SYNDIG1: variants seen among roughly 807,000 people sequenced by gnomAD.
SYNDIG1 encodes the protein synapse differentiation inducing 1.
Under a neutral mutation model 19.4 loss-of-function variants are expected in SYNDIG1, and 9 were observed. The observed-to-expected ratio is 0.46, with a 90% CI of 0.28 to 0.81. SYNDIG1 has a LOEUF of 0.81. Among genes scored for constraint, SYNDIG1 ranks in the 30% least tolerant of loss-of-function variants. The pLI is 0.12. For synonymous variants in SYNDIG1, 141 were observed against 145.9 expected, an observed-to-expected ratio of 0.97 and a Z score of 0.24; for missense variants, 311 against 343.3, an observed-to-expected ratio of 0.91 and a Z score of 0.74.
intron 3 of SYNDIG1, among the ~76,000 whole-genome samples, chr20:24,645,939 T>C (rs945480382): frequency 6.6e-6 from 1 of 152,162 alleles, no homozygotes; most frequent in African/African-American, 2.4e-5. Flanking sequence ...GGCACCCTTC[T>C]CGCCTGGATA....
chr20:24,533,251 C>T (rs868308940), intron 1 of SYNDIG1, among the ~76,000 whole-genome samples: 1 of 152,114 alleles, frequency 6.6e-6, no homozygotes, highest in Non-Finnish European at 1.5e-5. Context: ...TGTTTGTCCA[C>T]GTAGGCACAT....
At chr20:24,476,691 CAAAA>C (rs71312681) in intron 1 of SYNDIG1, among the ~76,000 whole-genome samples, 1 of 150,942 alleles carries the variant, frequency 6.6e-6, no homozygotes, top group Non-Finnish European at 1.5e-5. Context: ...AACAAACAAA[CAAAA>C]AAAACAAAAA....
chr20:24,562,464 C>T (rs1216081731), intron 2 of SYNDIG1, among the ~76,000 whole-genome samples: 1 of 152,164 alleles, frequency 6.6e-6, no homozygotes, highest in African/African-American at 2.4e-5. Flanking sequence ...AAATGTGTCA[C>T]TCAAGGCATG....
intron 3 of SYNDIG1, among the ~76,000 whole-genome samples, chr20:24,645,696 G>C (rs773506651): frequency 2.6e-5 from 4 of 152,242 alleles, no homozygotes; most frequent in Non-Finnish European, 5.9e-5. Context: ...CTATACCTGG[G>C]CTGAGAGAGG....
Position 24,515,543 on chromosome 20 carries a change from AACAG to A in SYNDIG1, c.-78-27473_-78-27470del, listed in dbSNP as rs773155020. On this transcript the variant is annotated intron_variant, in intron 1 of 3. Transcript: ENST00000376862. ...ATCACAAGCATTCTTATACACCAAT[AACAG>A]ACAAACAGAGAGCCAAATCATGAGT... 2.6e-3 allele frequency among the ~76,000 whole-genome samples: 397 copies of A among 152,068 alleles called. 1 individual carries two copies. Among genetic ancestry groups the A allele is most frequent in the Non-Finnish European group, 3.8e-3 (260 of 67,974 alleles).
intron 3 of SYNDIG1, among the ~76,000 whole-genome samples, chr20:24,661,404 G>GGGAGGAGGGAGGGAGGAGGGAA (rs2059588816): frequency 3.8e-4 from 6 of 16,000 alleles, no homozygotes; most frequent in African/African-American, 7.0e-4. Context: ...GGAGGAGGTA[G>GGGAGGAGGGAGGGAGGAGGGAA]GAAAGAAGGA....
At chr20:24,500,840 G>T (rs1258528890) in intron 1 of SYNDIG1, among the ~76,000 whole-genome samples, 1 of 152,162 alleles carries the variant, frequency 6.6e-6, no homozygotes, top group African/African-American at 2.4e-5. Context: ...TACTGTGGAA[G>T]ATTCATTCCT....
chr20:24,486,457 G>T, intron 1 of SYNDIG1, among the ~76,000 whole-genome samples: 1 of 152,212 alleles, frequency 6.6e-6, no homozygotes, highest in East Asian at 1.9e-4. Context: ...CAAAAATTGA[G>T]TTTAGTCTAT....
intron 1 of SYNDIG1, among the ~76,000 whole-genome samples, chr20:24,510,632 T>C (rs2056722284): frequency 1.3e-5 from 2 of 152,266 alleles, no homozygotes; most frequent in South Asian, 4.2e-4. Context: ...TTGTCTTTTG[T>C]ATTGTATAGT....
At chr20:24,566,345 A>T (rs1296269272) in intron 2 of SYNDIG1, among the ~76,000 whole-genome samples, 1 of 152,266 alleles carries the variant, frequency 6.6e-6, no homozygotes, top group Non-Finnish European at 1.5e-5. Context: ...TTCATCTAAG[A>T]TATAAATGAA....
intron 1 of SYNDIG1, among the ~76,000 whole-genome samples, chr20:24,486,406 G>A (rs920722013): frequency 3.3e-5 from 5 of 152,126 alleles, no homozygotes; most frequent in African/African-American, 1.2e-4. Context: ...ATTCACCTGG[G>A]GATATTTAAC....
chr20:24,545,589 C>A (rs933251688), intron 2 of SYNDIG1, among the ~76,000 whole-genome samples: 5 of 152,054 alleles, frequency 3.3e-5, no homozygotes, highest in Non-Finnish European at 7.4e-5. Context: ...AGGCAGGAGC[C>A]CTCCCCCGGC....
At chr20:24,651,369 T>C (rs2059472687) in intron 3 of SYNDIG1, among the ~76,000 whole-genome samples, 1 of 152,156 alleles carries the variant, frequency 6.6e-6, no homozygotes, top group South Asian at 2.1e-4. Flanking sequence ...ATGCAAGAGA[T>C]TGTGGGTTAA....
intron 3 of SYNDIG1, among the ~76,000 whole-genome samples, chr20:24,645,362 C>A (rs1568713065): frequency 6.6e-6 from 1 of 152,240 alleles, no homozygotes; most frequent in Admixed American, 6.5e-5. Context: ...TTACCCACAA[C>A]TCGAGATGAG....
At chr20:24,525,848 A>C (rs902980069) in intron 1 of SYNDIG1, among the ~76,000 whole-genome samples, 1 of 152,248 alleles carries the variant, frequency 6.6e-6, no homozygotes, top group Non-Finnish European at 1.5e-5. Context: ...TGATGGTGAA[A>C]ATATTACATT....
At chr20:24,512,295 G>A (rs6049749) in intron 1 of SYNDIG1, among the ~76,000 whole-genome samples, 1 of 151,366 alleles carries the variant, frequency 6.6e-6, no homozygotes, top group Non-Finnish European at 1.5e-5. Flanking sequence ...AGTGGGGGCA[G>A]GACAGTGGGT....
intron 1 of SYNDIG1, among the ~76,000 whole-genome samples, chr20:24,501,310 C>G (rs2056448674): frequency 6.6e-6 from 1 of 152,244 alleles, no homozygotes; most frequent in Non-Finnish European, 1.5e-5. Flanking sequence ...CCTGTAGCTT[C>G]CATATCCTCT....
Position 24,506,826 on chromosome 20 carries a change from T to C in SYNDIG1, c.-78-36194T>C, listed in dbSNP as rs150046921. 2.6e-3 allele frequency among the ~76,000 whole-genome samples: 396 copies of C among 152,300 alleles called. 5 individuals are homozygous for C. The highest frequency in any genetic ancestry group is 8.9e-3 in the African/African-American group (369 of 41,570). ...CAAAGCCAGGCATACCTGAGCCCTG[T>C]GGGCCCCAGTCACATGTGAGGGGCA... On this transcript the variant is annotated intron_variant, in intron 1 of 3. Transcript: ENST00000376862.
In SYNDIG1 at chr20:24,656,619, G is replaced by A. The variant is rs537674511; in HGVS notation, c.619-8727G>A. 3.3e-4 allele frequency among the ~76,000 whole-genome samples: 51 copies of A among 152,336 alleles called. No homozygotes were observed. In the South Asian group the frequency reaches 3.9e-3, roughly 12 times the overall value. On this transcript the variant is annotated intron_variant, in intron 3 of 3. Transcript: ENST00000376862. ...TGCAGGACCGAGCTGAAGCCACCCA[G>A]ACACAGAAATCCACTTCCTGGACCA...
Sources: gnomAD v4.1 joint callset for allele counts (sites outside exome capture counted in the v4.1 genomes callset) on GRCh38, gnomAD v4.1.1 for gene constraint, MANE v1.5 for transcripts, NCBI Gene and HGNC (gene_info 2026-07-23, HGNC 2026-07-21) for gene names.